The following LMX1B variants were observed in gnomAD, a reference collection of about 807,000 sequenced individuals.
LMX1B encodes LIM homeobox transcription factor 1 beta.
LMX1B carries 12 observed loss-of-function variants against 51.4 expected under a neutral mutation model. The observed-to-expected ratio is 0.23, with a 90% CI of 0.15 to 0.38. The LOEUF (loss-of-function observed/expected upper bound fraction) is 0.38, where lower values mean the gene tolerates loss of function less well. Among genes scored for constraint, LMX1B ranks in the 10% least tolerant of loss-of-function variants. The probability of loss-of-function intolerance (pLI) is 1.00; values close to 1 mark genes in which losing one functional copy is unlikely to be tolerated. For missense variants in LMX1B, 445 were observed against 571.1 expected (o/e 0.78, Z 2.25); for synonymous variants, 237 against 235.4 (o/e 1.01, Z -0.06).
intron 2 of LMX1B, among the ~76,000 whole-genome samples, chr9:126,630,896 CTGCCGG>C (rs1290429199): frequency 6.6e-6 from 1 of 152,264 alleles, no homozygotes. Flanking sequence ...TGGCTCCGGG[CTGCCGG>C]TGCAGCAATT....
chr9:126,617,591 C>G (rs1835327685), intron 2 of LMX1B, among the ~76,000 whole-genome samples: 1 of 151,952 alleles, frequency 6.6e-6, no homozygotes, highest in Non-Finnish European at 1.5e-5. Context: ...AGCGGCTCAC[C>G]CCCTCATCTT....
chr9:126,668,113 G>A (rs1357645450), intron 2 of LMX1B, among the ~76,000 whole-genome samples: 2 of 152,138 alleles, frequency 1.3e-5, no homozygotes, highest in African/African-American at 2.4e-5. Flanking sequence ...GTTAGGAAAC[G>A]GAGGGCAGAA....
chr9:126,663,000 G>A (rs1029058156), intron 2 of LMX1B, among the ~76,000 whole-genome samples: 3 of 152,174 alleles, frequency 2.0e-5, no homozygotes, highest in African/African-American at 7.2e-5. Flanking sequence ...TGGCTCACTT[G>A]GGATCTGGAG....
rs938529385 is a variant in LMX1B, at chr9:126,671,941, A to C, written c.327-18895A>C. On this transcript the variant is annotated intron_variant, in intron 2 of 7. Transcript: ENST00000373474. This position sits in a 1 kb window ranked among gnomAD's most constrained non-coding sequence, Gnocchi z 4.4. ...CCCTTCTCCTGGACTGGGGCTTCCA[A>C]GTAAATTCATCTTCCTTATTAAAAA... Among the ~76,000 whole-genome samples, 1 of 152,230 alleles carries C rather than the reference A, an allele frequency of 6.6e-6. No individual in the cohort carries two copies. Among genetic ancestry groups the C allele is most frequent in the African/African-American group, 2.4e-5 (1 of 41,474 alleles).
At chr9:126,670,367 T>G (rs1564161830) in intron 2 of LMX1B, among the ~76,000 whole-genome samples, 1 of 152,232 alleles carries the variant, frequency 6.6e-6, no homozygotes, top group Non-Finnish European at 1.5e-5. Flanking sequence ...GAGAGCAGCC[T>G]GTAGATAGAG....
At chr9:126,649,350 A>G (rs998388467) in intron 2 of LMX1B, among the ~76,000 whole-genome samples, 1 of 152,130 alleles carries the variant, frequency 6.6e-6, no homozygotes, top group African/African-American at 2.4e-5. Flanking sequence ...CAGGGACTCA[A>G]GACCTCTAGG....
chr9:126,644,329 C>G (rs753856480), intron 2 of LMX1B, among the ~76,000 whole-genome samples: 1 of 152,110 alleles, frequency 6.6e-6, no homozygotes, highest in African/African-American at 2.4e-5. Flanking sequence ...ATTGATCGAC[C>G]GACTGGCCCT....
chr9:126,617,881 G>A (rs1308459808), intron 2 of LMX1B, among the ~76,000 whole-genome samples: 1 of 119,906 alleles, frequency 8.3e-6, no homozygotes, highest in Admixed American at 1.1e-4. Context: ...AGGTATCTGC[G>A]TTAGGCCGGC....
intron 2 of LMX1B, among the ~76,000 whole-genome samples, chr9:126,619,231 T>G (rs952081018): frequency 6.6e-6 from 1 of 152,178 alleles, no homozygotes; most frequent in African/African-American, 2.4e-5. Context: ...GCGCATTCCT[T>G]TCCTTGGAAG....
intron 2 of LMX1B, among the ~76,000 whole-genome samples, chr9:126,659,502 GC>G (rs1299121743): frequency 6.6e-6 from 1 of 152,246 alleles, no homozygotes; most frequent in Non-Finnish European, 1.5e-5. Context: ...ACATTCTCAG[GC>G]CAGGGGCTCT....
chr9:126,634,049 A>G (rs1835674198), intron 2 of LMX1B, among the ~76,000 whole-genome samples: 1 of 151,874 alleles, frequency 6.6e-6, no homozygotes, highest in African/African-American at 2.4e-5. Flanking sequence ...ATGTTTGGGG[A>G]AGGCAGGAGG....
At chr9:126,657,746 C>T (rs16929203) in intron 2 of LMX1B, among the ~76,000 whole-genome samples, 13,034 of 152,300 alleles carry the variant, frequency 0.086, 959 homozygotes, top group East Asian at 0.37. Flanking sequence ...TGCTTATGCG[C>T]CAGCCAGCGT....
At chr9:126,629,385 C>G (rs975364393) in intron 2 of LMX1B, among the ~76,000 whole-genome samples, 3 of 152,232 alleles carry the variant, frequency 2.0e-5, no homozygotes, top group Non-Finnish European at 2.9e-5. Flanking sequence ...TCAGCACTTT[C>G]CATTCTTTAA....
chr9:126,666,600 G>A (rs960791973), intron 2 of LMX1B, among the ~76,000 whole-genome samples: 2 of 152,126 alleles, frequency 1.3e-5, no homozygotes, highest in Admixed American at 6.5e-5. Flanking sequence ...CCTCACTGGC[G>A]CCATTCTATG....
Position 126,693,764 on chromosome 9 carries a change from C to A in LMX1B, c.838C>A (p.Arg280=). ...QRAKMKKLAR[R]HQQQQEQQNS... ...CCTGCAGATGAAGAAGCTGGCGCGG[C>A]GGCACCAGCAGCAGCAGGAGCAGCA... Residue 280 remains arginine, a synonymous_variant, in exon 6 of 8, where the codon CGG becomes AGG. Transcript: ENST00000373474. 2 of 1,532,534 alleles carry A rather than the reference C, an allele frequency of 1.3e-6. No homozygotes were observed. The highest frequency in any genetic ancestry group is 8.8e-7 in the Non-Finnish European group (1 of 1,133,782). The allele number at this position is 1,532,534 out of a possible 1,614,324, so 94.9% of individuals were successfully genotyped here. A position where few individuals can be genotyped will look rare whatever the true frequency, so the allele number is the denominator to read the frequency against.
chr9:126,617,594 C>T (rs1407460278), intron 2 of LMX1B, among the ~76,000 whole-genome samples: 1 of 152,024 alleles, frequency 6.6e-6, no homozygotes, highest in Non-Finnish European at 1.5e-5. Context: ...GGCTCACCCC[C>T]TCATCTTACA....
rs764030237 is a variant in LMX1B at position 126,696,322 on chromosome 9, C to T, written c.1080C>T (p.Asp360=). The T allele has an allele frequency of 1.4e-5, 22 of 1,613,994 alleles. No homozygotes were observed. Among genetic ancestry groups the T allele is most frequent in the Non-Finnish European group, 1.8e-5 (21 of 1,179,994 alleles). The change falls in exon 8 of 8, where the codon GAC becomes GAT. Residue 360 remains aspartate (D), a synonymous_variant. Coordinates refer to ENST00000373474, the MANE Select transcript of LMX1B (RefSeq NM_001174147.2). ...ACGACTCCATCTTCCATGACATCGACAGCGATACCTCCTTAACCAGCCTCA... is the reference window on the plus strand; with the variant it reads ...ACGACTCCATCTTCCATGACATCGATAGCGATACCTCCTTAACCAGCCTCA... ...YGNDSIFHDI[D]SDTSLTSLSD...
At chr9:126,645,787 T>C (rs1396555232) in intron 2 of LMX1B, among the ~76,000 whole-genome samples, 2 of 151,822 alleles carry the variant, frequency 1.3e-5, no homozygotes, top group East Asian at 1.9e-4. Context: ...TGTTTAAGAG[T>C]TGGAGTTGAC....
rs1835509390 is a variant in LMX1B, at chr9:126,625,576, C to T, written c.326+10007C>T. Among the ~76,000 whole-genome samples the T allele has an allele frequency of 6.6e-6, 1 of 152,234 alleles. No individual in the cohort carries two copies. On this transcript the variant is annotated intron_variant, in intron 2 of 7. Transcript: ENST00000373474. This position sits in a 1 kb window ranked among gnomAD's most constrained non-coding sequence, Gnocchi z 5.3. Reference sequence around the variant, plus strand: ...GACTAATGTCGCAGCGCTCGCACTCCTGCAGGTCTCCAGGGTTGGCCATTC... The same window carrying T: ...GACTAATGTCGCAGCGCTCGCACTCTTGCAGGTCTCCAGGGTTGGCCATTC...
Sources: gnomAD v4.1 joint callset for allele counts (sites outside exome capture counted in the v4.1 genomes callset) on GRCh38, gnomAD v4.1.1 for gene constraint, Gnocchi (gnomAD v3.1) non-coding constraint, MANE v1.5 for transcripts, NCBI Gene and HGNC (gene_info 2026-07-23, HGNC 2026-07-21) for gene names.